The following PCDHA10 variants were observed in gnomAD, a reference collection of about 807,000 sequenced individuals.
PCDHA10 encodes the protein protocadherin alpha 10, also known as protocadherin alpha-10.
PCDHA10 carries 45 observed loss-of-function variants against 61.2 expected under a neutral mutation model. The ratio of observed to expected loss-of-function variants is 0.74; its 90% confidence interval spans 0.58 to 0.94. The LOEUF is 0.94. Ranked by LOEUF, PCDHA10 falls within the 40% of genes least tolerant of loss-of-function variation. PCDHA10 has a pLI of 0.00. For missense variants in PCDHA10, 1,278 were observed against 1,236.2 expected (o/e 1.03, Z -0.51); for synonymous variants, 602 against 548.8 (o/e 1.10, Z -1.35).
chr5:140,961,564 T>A (rs2095622037), intron 1 of PCDHA10, among the ~76,000 whole-genome samples: 1 of 152,208 alleles, frequency 6.6e-6, no homozygotes, highest in African/African-American at 2.4e-5. Flanking sequence ...TTTTAAATTT[T>A]GTTTTGATAA....
At chr5:140,972,480 C>A (rs558245112) in intron 1 of PCDHA10, among the ~76,000 whole-genome samples, 2 of 151,890 alleles carry the variant, frequency 1.3e-5, no homozygotes, top group East Asian at 3.9e-4. Context: ...AGCATTTAAC[C>A]CCAGACTCTA....
Position 141,002,117 on chromosome 5 carries a change from C to T in PCDHA10, c.2537-7510C>T, listed in dbSNP as rs74680186. Among the ~76,000 whole-genome samples, 37 of 152,378 alleles carry T rather than the reference C, an allele frequency of 2.4e-4. 1 individual carries two copies. The East Asian group carries it at 6.0e-3, about 25-fold the overall frequency. ...GGGCTGGGCCGGAAACGGCTATAAT[C>T]ATTTAATAGCCTTTGCCGGCTGCAC... On this transcript the variant is annotated intron_variant, in intron 3 of 3. Transcript: ENST00000307360.
intron 1 of PCDHA10, among the ~76,000 whole-genome samples, chr5:140,957,345 A>G (rs1375707193): frequency 6.6e-6 from 1 of 152,170 alleles, no homozygotes; most frequent in Admixed American, 6.5e-5. Flanking sequence ...ATTTTGAGAG[A>G]GAGACCACAT....
intron 3 of PCDHA10, among the ~76,000 whole-genome samples, chr5:141,008,000 TA>T (rs2098355741): frequency 6.6e-6 from 1 of 152,264 alleles, no homozygotes; most frequent in Non-Finnish European, 1.5e-5. Context: ...TACATGTTAA[TA>T]AACTTCTGTT....
intron 1 of PCDHA10, among the ~76,000 whole-genome samples, chr5:140,960,851 T>C (rs782540669): frequency 5.3e-5 from 8 of 152,210 alleles, no homozygotes; most frequent in Non-Finnish European, 7.3e-5. Context: ...TAATGGCAAC[T>C]ATAAGCCAGA....
chr5:140,894,678 G>A (rs2064610623), intron 1 of PCDHA10, among the ~76,000 whole-genome samples: 2 of 151,110 alleles, frequency 1.3e-5, no homozygotes, highest in African/African-American at 4.9e-5. Flanking sequence ...TTCTTGCATA[G>A]CTTTTCATTA....
chr5:140,969,260 C>T (rs782595245), intron 1 of PCDHA10: 11 of 1,614,110 alleles, frequency 6.8e-6, no homozygotes, highest in Non-Finnish European at 6.8e-6. Flanking sequence ...CAGCAGGAAT[C>T]TCACAGGCCA....
At chr5:140,878,028 G>A in intron 1 of PCDHA10, 1 of 666,892 alleles carries the variant, frequency 1.5e-6, no homozygotes, top group Non-Finnish European at 2.2e-6. Context: ...AAATATGTAG[G>A]TACAATGGAG....
At chr5:140,913,288 T>C (rs1452332608) in intron 1 of PCDHA10, among the ~76,000 whole-genome samples, 1 of 152,172 alleles carries the variant, frequency 6.6e-6, no homozygotes, top group Non-Finnish European at 1.5e-5. Context: ...GTTTAGGTTT[T>C]AATTTCTTCA....
At chr5:140,888,147 A>G (rs1182114974) in intron 1 of PCDHA10, among the ~76,000 whole-genome samples, 1 of 152,064 alleles carries the variant, frequency 6.6e-6, no homozygotes, top group African/African-American at 2.4e-5. Flanking sequence ...GCTGTTTTGC[A>G]TGACTGGTAA....
chr5:140,985,096 C>A (rs1486346952), intron 3 of PCDHA10, among the ~76,000 whole-genome samples: 1 of 152,096 alleles, frequency 6.6e-6, no homozygotes, highest in Non-Finnish European at 1.5e-5. Context: ...TGCCACCAAG[C>A]CTGGCTAATT....
chr5:140,927,731 T>G lies in PCDHA10; in HGVS notation c.2389-51218T>G, dbSNP rs781789205. 19 of 1,614,078 alleles carry G rather than the reference T, an allele frequency of 1.2e-5. No individual in the cohort carries two copies. The highest frequency in any genetic ancestry group is 1.4e-5 in the Non-Finnish European group (17 of 1,180,038). ...CTAAGCAACAGCACGCAAGCAGAGC[T>G]GCGACACCGCTTTCACGTGCACCCT... On this transcript the variant is annotated intron_variant, in intron 1 of 3. Transcript: ENST00000307360.
At chr5:140,906,218 A>G (rs2072464720) in intron 1 of PCDHA10, among the ~76,000 whole-genome samples, 1 of 152,176 alleles carries the variant, frequency 6.6e-6, no homozygotes, top group African/African-American at 2.4e-5. Flanking sequence ...ATTAACCATC[A>G]CAAGTCCTCC....
At chr5:140,990,507 T>C (rs1554251511) in intron 3 of PCDHA10, among the ~76,000 whole-genome samples, 1 of 152,158 alleles carries the variant, frequency 6.6e-6, no homozygotes, top group East Asian at 1.9e-4. Context: ...CCCCAAGTCT[T>C]CTCTCTTGTC....
At chr5:140,956,156 T>C (rs1467785699) in intron 1 of PCDHA10, among the ~76,000 whole-genome samples, 1 of 152,204 alleles carries the variant, frequency 6.6e-6, no homozygotes, top group Non-Finnish European at 1.5e-5. Flanking sequence ...TCTTTCCTAA[T>C]TGCCATAGCC....
chr5:140,929,496 G>T, intron 1 of PCDHA10: 14 of 989,736 alleles, frequency 1.4e-5, no homozygotes, highest in Non-Finnish European at 1.8e-5. Context: ...TTAGAAGATT[G>T]CCCTAGGCCT....
In PCDHA10 at chr5:141,010,341, T is replaced by C. The variant is rs199826290; in HGVS notation, c.*404T>C. ...GAGCAGCTTGGGAGTTTGTGGCCAC[T>C]GGGTATGTGTGGCTACCGCGGGTAT... is the stretch of plus-strand genomic sequence containing the variant. On this transcript the variant is annotated 3_prime_UTR_variant, in exon 4 of 4. Coordinates refer to ENST00000307360, the MANE Select transcript of PCDHA10 (RefSeq NM_018901.4). 1 of 1,503,238 alleles carries C rather than the reference T, an allele frequency of 6.7e-7. No homozygotes were observed. The highest frequency in any genetic ancestry group is 8.9e-7 in the Non-Finnish European group (1 of 1,119,606). The allele number at this position is 1,503,238 out of a possible 1,614,324, so 93.1% of individuals were successfully genotyped here. A position where few individuals can be genotyped will look rare whatever the true frequency, so the allele number is the denominator to read the frequency against.
intron 2 of PCDHA10, among the ~76,000 whole-genome samples, chr5:140,981,054 G>T (rs1024298698): frequency 1.3e-5 from 2 of 152,182 alleles, no homozygotes; most frequent in Admixed American, 1.3e-4. Flanking sequence ...GATAATTCTA[G>T]AGTGTAGACA....
intron 1 of PCDHA10, among the ~76,000 whole-genome samples, chr5:140,888,562 G>C (rs781854673): frequency 9.2e-5 from 14 of 152,112 alleles, no homozygotes; most frequent in Non-Finnish European, 1.8e-4. Context: ...TCCTTTCAAG[G>C]CTTCATTTTA....
Sources: gnomAD v4.1 joint callset for allele counts (sites outside exome capture counted in the v4.1 genomes callset) on GRCh38, gnomAD v4.1.1 for gene constraint, MANE v1.5 for transcripts, NCBI Gene and HGNC (gene_info 2026-07-23, HGNC 2026-07-21) for gene names.